The following RRP8 variants were observed in gnomAD, a reference collection of about 807,000 sequenced individuals.
RRP8 encodes ribosomal RNA processing 8, also known as ribosomal RNA-processing protein 8.
Under a neutral mutation model 45.0 loss-of-function variants are expected in RRP8, and 48 were observed. The observed-to-expected ratio is 1.07, with a 90% CI of 0.85 to 1.36. RRP8 has a LOEUF of 1.36. RRP8 is among the 40% of genes most tolerant of loss of function. RRP8 has a pLI of 0.00. For synonymous variants in RRP8, 274 were observed against 212.4 expected, an observed-to-expected ratio of 1.29 and a Z score of -2.52; for missense variants, 658 against 573.7, an observed-to-expected ratio of 1.15 and a Z score of -1.50.
rs1020609863 is a variant in RRP8 at position 6,600,215 on chromosome 11, G to C, written c.1302C>G (p.Pro434=). The C allele has an allele frequency of 1.8e-5, 29 of 1,606,816 alleles. No homozygotes were observed. Among genetic ancestry groups the C allele is most frequent in the African/African-American group, 2.7e-5 (2 of 74,262 alleles). The part of the protein sequence containing the change: ...FFLFDFQKTG[P]PLVGPKAQLS... ...GCTGAGCCTTGGGCCCTACCAGAGGGGGCCCAGTCTTTTGGAAATCAAACA... is the reference window on the plus strand; with the variant it reads ...GCTGAGCCTTGGGCCCTACCAGAGGCGGCCCAGTCTTTTGGAAATCAAACA... Residue 434 remains proline (P), a synonymous_variant, in exon 7 of 7, where the codon CCC becomes CCG. Transcript: ENST00000254605.
Position 6,601,495 on chromosome 11 carries a change from G to T in RRP8, c.571C>A (p.Arg191=). ...HTLSRKQWRN[R]QKNKRRCKNK... ...TTACATCTTCTCTTGTTCTTTTGCC[G>T]GTTCCGCCACTGCTTGCGGCTTAAT... is the stretch of plus-strand genomic sequence containing the variant. Residue 191 remains arginine, a synonymous_variant, in exon 3 of 7, where the codon CGG becomes AGG. Coordinates refer to ENST00000254605, the MANE Select transcript of RRP8 (RefSeq NM_015324.4). 6.2e-7 allele frequency: 1 copy of T among 1,613,252 alleles called. No homozygotes were observed.
At position 6,602,171 on chromosome 11, in the gene RRP8, C is replaced by G; in HGVS notation, c.144G>C (p.Glu48Asp). The G allele has an allele frequency of 6.3e-7, 1 of 1,597,702 alleles. No homozygotes were observed. Among genetic ancestry groups the G allele is most frequent in the Middle Eastern group, 1.7e-4 (1 of 5,970 alleles). Residue 48 changes from glutamate to aspartate, a missense_variant, in exon 2 of 7, where the codon GAG becomes GAC. Glu to Asp is a conservative substitution (Grantham distance 45). Transcript: ENST00000254605. ...RQLLATLRAL[E>D]AASLSQHPPS... ...GGGGATGCTGGGAAAGAGATGCTGCCTCTAGGGCCCGTAATGTGGCCAAGA... is the reference window on the plus strand; with the variant it reads ...GGGGATGCTGGGAAAGAGATGCTGCGTCTAGGGCCCGTAATGTGGCCAAGA...
At chr11:6,600,833 T>A in intron 4 of RRP8, 58 bp from the exon 5 acceptor site, 1 of 1,609,520 alleles carries the variant, frequency 6.2e-7, no homozygotes, top group Non-Finnish European at 8.5e-7. Context: ...AAGCCAGCAC[T>A]GAGATACCAG....
Position 6,600,046 on chromosome 11 carries a change from C to T in RRP8, c.*100G>A. 2.7e-6 allele frequency: 2 copies of T among 740,574 alleles called. No individual in the cohort carries two copies. The highest frequency in any genetic ancestry group is 4.3e-6 in the Non-Finnish European group (2 of 469,184). The allele number at this position is 740,574 out of a possible 1,614,324, so 45.9% of individuals were successfully genotyped here. A position where few individuals can be genotyped will look rare whatever the true frequency, so the allele number is the denominator to read the frequency against. On this transcript the variant is annotated 3_prime_UTR_variant, in exon 7 of 7. Coordinates refer to ENST00000254605, the MANE Select transcript of RRP8 (RefSeq NM_015324.4). Reference sequence around the variant, plus strand: ...ATCACACTTTGTCCTCAGGGTCCACCAGGAACCAGGTCTTGGCTCACAGCC... The same window carrying T: ...ATCACACTTTGTCCTCAGGGTCCACTAGGAACCAGGTCTTGGCTCACAGCC...
chr11:6,599,016 C>A lies in RRP8; in HGVS notation c.*1130G>T, dbSNP rs962316078. 6 of 152,322 alleles carry A rather than the reference C, an allele frequency of 3.9e-5. No homozygotes were observed. The highest frequency in any genetic ancestry group is 9.6e-5 in the African/African-American group (4 of 41,454). The allele number at this position is 152,322 out of a possible 1,614,324, so 9.4% of individuals were successfully genotyped here. A position where few individuals can be genotyped will look rare whatever the true frequency, so the allele number is the denominator to read the frequency against. ...TCTTCCGCCAATGAACAGCCCAATG[C>A]CCCCAAGCCCACATGGCATCAACAA... is the stretch of plus-strand genomic sequence containing the variant. On this transcript the variant is annotated 3_prime_UTR_variant, in exon 7 of 7. Coordinates refer to ENST00000254605, the MANE Select transcript of RRP8 (RefSeq NM_015324.4).
In RRP8 at chr11:6,601,358, C is replaced by A; in HGVS notation, c.708G>T (p.Gly236=). Residue 236 remains glycine, a synonymous_variant, in exon 3 of 7, where the codon GGG becomes GGT. Transcript: ENST00000254605. ...GCTGTGCCATGCGGGCTCGCAAAGCCCCTGCCCGAGCCTCATGGCTGTCTG... is the reference window on the plus strand; with the variant it reads ...GCTGTGCCATGCGGGCTCGCAAAGCACCTGCCCGAGCCTCATGGCTGTCTG... ...PRTDSHEARA[G]ALRARMAQRL... The A allele has an allele frequency of 6.2e-7, 1 of 1,614,124 alleles. No individual in the cohort carries two copies. The highest frequency in any genetic ancestry group is 8.5e-7 in the Non-Finnish European group (1 of 1,180,006).
intron 6 of RRP8, 96 bp from the exon 7 acceptor site, chr11:6,600,361 G>A: frequency 1.5e-6 from 2 of 1,303,136 alleles, no homozygotes; most frequent in Non-Finnish European, 2.2e-6. Context: ...AAGCTTCCCA[G>A]GGCTCCCACT....
Position 6,601,069 on chromosome 11 carries a change from G to A in RRP8, c.918-14C>T. On this transcript the variant is annotated splice_polypyrimidine_tract_variant and intron_variant, in intron 3 of 6. Coordinates refer to ENST00000254605, the MANE Select transcript of RRP8 (RefSeq NM_015324.4). The stretch of plus-strand genomic sequence containing the variant: ...AGGGATGCAGGCCTGAGAGTGGAAG[G>A]CAAGGGTCACATATTGGTCTGATCT... The A allele has an allele frequency of 6.2e-7, 1 of 1,614,212 alleles. No individual in the cohort carries two copies.
Position 6,602,033 on chromosome 11 carries a change from C to T in RRP8, c.282G>A (p.Lys94=), listed in dbSNP as rs1564836684. Residue 94 remains lysine, a synonymous_variant, in exon 2 of 7, where the codon AAG becomes AAA. Coordinates refer to ENST00000254605, the MANE Select transcript of RRP8 (RefSeq NM_015324.4). ...ASAEVGKKGK[K]KCQKQGPPCS... Reference sequence around the variant, plus strand: ...AAGGTGGGCCCTGTTTTTGACATTTCTTCTTCCCTTTCTTCCCTACTTCAG... The same window carrying T: ...AAGGTGGGCCCTGTTTTTGACATTTTTTCTTCCCTTTCTTCCCTACTTCAG... 6.2e-7 allele frequency: 1 copy of T among 1,614,168 alleles called. No individual in the cohort carries two copies. Among genetic ancestry groups the T allele is most frequent in the Non-Finnish European group, 8.5e-7 (1 of 1,180,000 alleles).
In RRP8 at chr11:6,603,403, C is replaced by G; in HGVS notation, c.99+1G>C. On this transcript the variant is annotated splice_donor_variant, in intron 1 of 6. Coordinates refer to ENST00000254605, the MANE Select transcript of RRP8 (RefSeq NM_015324.4). LOFTEE classifies it high-confidence loss of function. Reference sequence around the variant, plus strand: ...TCCCATTGCTCCCGCGAGTCACTCACCTTGTTTTGCGAGGAGGCCGCAGGC... The same window carrying G: ...TCCCATTGCTCCCGCGAGTCACTCAGCTTGTTTTGCGAGGAGGCCGCAGGC... The G allele has an allele frequency of 6.3e-7, 1 of 1,598,924 alleles. No individual in the cohort carries two copies. The highest frequency in any genetic ancestry group is 8.5e-7 in the Non-Finnish European group (1 of 1,173,342).
Position 6,600,663 on chromosome 11 carries a change from T to C in RRP8, c.1154+6A>G, listed in dbSNP as rs747789026. Reference sequence around the variant, plus strand: ...ATACATGCATCTGTGTCCTGGGGGCTCTTACCCTGGCTTCAGTACTCTATT... The same window carrying C: ...ATACATGCATCTGTGTCCTGGGGGCCCTTACCCTGGCTTCAGTACTCTATT... On this transcript the variant is annotated splice_donor_region_variant and intron_variant, in intron 5 of 6. Transcript: ENST00000254605. 1 of 1,612,782 alleles carries C rather than the reference T, an allele frequency of 6.2e-7. No homozygotes were observed. Among genetic ancestry groups the C allele is most frequent in the South Asian group, 1.1e-5 (1 of 91,030 alleles).
At chr11:6,602,409 T>C in intron 1 of RRP8, 194 bp from the exon 2 acceptor site, 1 of 561,282 alleles carries the variant, frequency 1.8e-6, no homozygotes. Flanking sequence ...AGAAACCACC[T>C]ATCCCACTTT....
At chr11:6,602,669 CAGAG>C (rs1854448903) in intron 1 of RRP8, among the ~76,000 whole-genome samples, 1 of 152,172 alleles carries the variant, frequency 6.6e-6, no homozygotes, top group African/African-American at 2.4e-5. Flanking sequence ...AAATTGCAGA[CAGAG>C]AGGCCAGCGG....
intron 6 of RRP8, 45 bp downstream of exon 6, chr11:6,600,441 G>C (rs759319498): frequency 5.6e-5 from 87 of 1,564,836 alleles, no homozygotes; most frequent in Non-Finnish European, 1.1e-5. Flanking sequence ...CCCTGAATAG[G>C]GCCACATGAG....
chr11:6,602,848 G>A (rs1854462002), intron 1 of RRP8, among the ~76,000 whole-genome samples: 1 of 152,170 alleles, frequency 6.6e-6, no homozygotes, highest in African/African-American at 2.4e-5. Flanking sequence ...CTGATTCTGT[G>A]TTGCAGTCCT....
At chr11:6,600,388 A>T in intron 6 of RRP8, 98 bp downstream of exon 6, 11 of 1,355,006 alleles carry the variant, frequency 8.1e-6, no homozygotes, top group Non-Finnish European at 1.1e-5. Flanking sequence ...GGGGAGCAAA[A>T]TGTCTGTTCC....
rs770045606 is a variant in RRP8, at chr11:6,601,057, T to C, written c.918-2A>G. 5 of 1,614,174 alleles carry C rather than the reference T, an allele frequency of 3.1e-6. No individual in the cohort carries two copies. The highest frequency in any genetic ancestry group is 4.2e-6 in the Non-Finnish European group (5 of 1,180,012). On this transcript the variant is annotated splice_acceptor_variant, in intron 3 of 6. Coordinates refer to ENST00000254605, the MANE Select transcript of RRP8 (RefSeq NM_015324.4). LOFTEE classifies it high-confidence loss of function. ...TCAGCCACCACTAGGGATGCAGGCCTGAGAGTGGAAGGCAAGGGTCACATA... is the reference window on the plus strand; with the variant it reads ...TCAGCCACCACTAGGGATGCAGGCCCGAGAGTGGAAGGCAAGGGTCACATA...
Position 6,601,421 on chromosome 11 carries a change from G to A in RRP8, c.645C>T (p.Ala215=), listed in dbSNP as rs778615122. 6.2e-7 allele frequency: 1 copy of A among 1,614,144 alleles called. No homozygotes were observed. The highest frequency in any genetic ancestry group is 1.7e-5 in the Admixed American group (1 of 60,034). Residue 215 remains alanine, a synonymous_variant, in exon 3 of 7, where the codon GCC becomes GCT. Transcript: ENST00000254605. Reference sequence around the variant, plus strand: ...GAGACACCTCTGTCTTCTCTGTGGGGGCCTCAGCTGGGGCCTGGTCTGGCA... The same window carrying A: ...GAGACACCTCTGTCTTCTCTGTGGGAGCCTCAGCTGGGGCCTGGTCTGGCA... ...PQVPDQAPAE[A]PTEKTEVSPV... is the part of the protein sequence containing the mutation.
chr11:6,601,330 G>C lies in RRP8; in HGVS notation c.736C>G (p.Leu246Val). The change falls in exon 3 of 7, where the codon CTG becomes GTG. Residue 246 changes from leucine (L) to valine (V), a missense_variant. Transcript: ENST00000254605. ...GALRARMAQR[L>V]DGARFRYLNE... ...AGGTAGCGAAATCGGGCCCCATCCA[G>C]CCGCTGTGCCATGCGGGCTCGCAAA... 6.2e-7 allele frequency: 1 copy of C among 1,613,898 alleles called. No homozygotes were observed. The highest frequency in any genetic ancestry group is 8.5e-7 in the Non-Finnish European group (1 of 1,179,922).
Sources: gnomAD v4.1 joint callset for allele counts (sites outside exome capture counted in the v4.1 genomes callset) on GRCh38, gnomAD v4.1.1 for gene constraint, MANE v1.5 for transcripts, NCBI Gene and HGNC (gene_info 2026-07-23, HGNC 2026-07-21) for gene names.